SERPINA12: variants seen among roughly 807,000 people sequenced by gnomAD.
SERPINA12 encodes the protein serpin family A member 12.
Under a neutral mutation model 25.9 loss-of-function variants are expected in SERPINA12, and 21 were observed. The observed-to-expected ratio is 0.81, with a 90% CI of 0.58 to 1.17. The LOEUF (loss-of-function observed/expected upper bound fraction) is 1.17, where lower values mean the gene tolerates loss of function less well. Among genes scored for constraint, SERPINA12 ranks in the 50% most tolerant of loss-of-function variants. The pLI, the probability that SERPINA12 is intolerant of heterozygous loss-of-function variation, is 0.00. For synonymous variants in SERPINA12, 220 were observed against 196.0 expected (o/e 1.12, Z -1.02); for missense variants, 562 against 508.3 (o/e 1.11, Z -1.02).
Position 94,499,167 on chromosome 14 carries a change from G to T in SERPINA12, c.-33-737C>A, listed in dbSNP as rs555275526. Among the ~76,000 whole-genome samples the T allele has an allele frequency of 2.6e-5, 4 of 152,296 alleles. No homozygotes were observed. In the South Asian group the frequency reaches 6.2e-4, roughly 24 times the overall value. On this transcript the variant is annotated intron_variant, in intron 1 of 4. Transcript: ENST00000677451. Reference sequence around the variant, plus strand: ...CTAATTTACAGAGATCAAGCTCTTTGTTTAAGCTCATATGTTCTCTAGGTG... The same window carrying T: ...CTAATTTACAGAGATCAAGCTCTTTTTTTAAGCTCATATGTTCTCTAGGTG...
intron 1 of SERPINA12, among the ~76,000 whole-genome samples, chr14:94,502,556 G>A (rs1900776171): frequency 6.6e-6 from 1 of 152,342 alleles, no homozygotes; most frequent in South Asian, 2.1e-4. Context: ...ACAGGCTACA[G>A]AAGGTCTACT....
intron 2 of SERPINA12, among the ~76,000 whole-genome samples, chr14:94,497,226 T>C (rs1223814036): frequency 6.6e-6 from 1 of 152,168 alleles, no homozygotes; most frequent in Non-Finnish European, 1.5e-5. Context: ...CTCCATCAGA[T>C]CTGGGAAATA....
At chr14:94,510,160 T>G (rs999522606), upstream of SERPINA12, 4 of 985,290 alleles carry the variant, frequency 4.1e-6, no homozygotes, top group Admixed American at 6.1e-5. Flanking sequence ...TGTACTCACC[T>G]GTACAATGGG....
At chr14:94,502,496 C>T (rs1234058635) in intron 1 of SERPINA12, among the ~76,000 whole-genome samples, 1 of 152,152 alleles carries the variant, frequency 6.6e-6, no homozygotes, top group Admixed American at 6.5e-5. Context: ...AGCGCTTCCC[C>T]CGTTATCACC....
At chr14:94,492,429 T>G (rs1900215394) in intron 3 of SERPINA12, among the ~76,000 whole-genome samples, 1 of 152,216 alleles carries the variant, frequency 6.6e-6, no homozygotes, top group African/African-American at 2.4e-5. Context: ...CATACAGGCC[T>G]GCCTGCACAG....
chr14:94,507,821 C>T (rs1344208007), intron 1 of SERPINA12, among the ~76,000 whole-genome samples: 1 of 152,194 alleles, frequency 6.6e-6, no homozygotes, highest in Non-Finnish European at 1.5e-5. Flanking sequence ...CCCTTTGACC[C>T]ATTCATTGTA....
chr14:94,489,033 G>A (rs1370310600), intron 4 of SERPINA12, among the ~76,000 whole-genome samples: 1 of 151,992 alleles, frequency 6.6e-6, no homozygotes, highest in Non-Finnish European at 1.5e-5. Flanking sequence ...GGAGGTGGAG[G>A]TTGCAGTGAG....
At chr14:94,508,548 A>G (rs574298022) in intron 1 of SERPINA12, among the ~76,000 whole-genome samples, 3 of 152,378 alleles carry the variant, frequency 2.0e-5, no homozygotes, top group South Asian at 4.1e-4. Context: ...GTGTTGGAAT[A>G]AAACCTTTTC....
chr14:94,489,644 A>C lies in SERPINA12; in HGVS notation c.1029T>G (p.Pro343=), dbSNP rs1340330609. The C allele has an allele frequency of 1.2e-6, 2 of 1,613,928 alleles. No homozygotes were observed. The highest frequency in any genetic ancestry group is 1.7e-6 in the Non-Finnish European group (2 of 1,179,996). Residue 343 remains proline (P), a synonymous_variant, in exon 4 of 5, where the codon CCT becomes CCG. Coordinates refer to ENST00000677451, the MANE Select transcript of SERPINA12 (RefSeq NM_001382267.1). ...CCTCGCCCACTTTCAGGCTGCGATG[A>C]GGGGCGATCTTGGTGAGATCACCAT... ...EEHGDLTKIA[P]HRSLKVGEAV...
chr14:94,507,289 T>C (rs1030652032), intron 1 of SERPINA12, among the ~76,000 whole-genome samples: 1 of 152,176 alleles, frequency 6.6e-6, no homozygotes. Context: ...AGAAAATATA[T>C]TAATAGTAGA....
chr14:94,503,892 A>C (rs950882359), intron 1 of SERPINA12: 6 of 152,204 alleles, frequency 3.9e-5, no homozygotes, highest in African/African-American at 1.4e-4. Context: ...TCCCATCCCC[A>C]CATTCATGAA....
At chr14:94,515,827 C>T (rs1025279976) in exon 2 of SERPINA12, 3 of 152,248 alleles carry the variant, frequency 2.0e-5, no homozygotes, top group Admixed American at 2.0e-4. Context: ...TACCTCATTC[C>T]TAGAAAGCTA....
At chr14:94,515,720 C>CGGGCAAACAGTGCAGATGT (rs1901216579) in intron 2 of SERPINA12, 1 of 141,810 alleles carries the variant, frequency 7.1e-6, no homozygotes, top group Non-Finnish European at 1.6e-5. Flanking sequence ...AGTGCAGATG[C>CGGGCAAACAGTGCAGATGT]GGGCAAGCAG....
upstream of SERPINA12, among the ~76,000 whole-genome samples, chr14:94,512,239 C>T (rs1324095455): frequency 1.3e-5 from 2 of 152,220 alleles, no homozygotes; most frequent in African/African-American, 4.8e-5. Context: ...CACGTGTCCC[C>T]TCTCAGGGGG....
chr14:94,504,662 C>T (rs1157542911), intron 1 of SERPINA12, among the ~76,000 whole-genome samples: 3 of 152,138 alleles, frequency 2.0e-5, no homozygotes, highest in African/African-American at 4.8e-5. Flanking sequence ...GCGTAGATTC[C>T]GTTAGGAAGA....
At chr14:94,507,073 AAAC>A (rs200737035) in intron 1 of SERPINA12, among the ~76,000 whole-genome samples, 9 of 152,310 alleles carry the variant, frequency 5.9e-5, no homozygotes, top group African/African-American at 9.6e-5. Context: ...TGAATGATGA[AAAC>A]AACAACAACA....
chr14:94,505,589 TGGAA>T (rs983052428), intron 1 of SERPINA12, among the ~76,000 whole-genome samples: 5 of 152,002 alleles, frequency 3.3e-5, no homozygotes, highest in African/African-American at 1.2e-4. Context: ...GCTATAGTGG[TGGAA>T]GATCAGAGCC....
At chr14:94,500,729 A>T (rs1284139912) in intron 1 of SERPINA12, among the ~76,000 whole-genome samples, 2 of 152,152 alleles carry the variant, frequency 1.3e-5, no homozygotes, top group East Asian at 3.8e-4. Flanking sequence ...CACAAAGAGG[A>T]TGCATCCAAG....
chr14:94,496,239 C>T, intron 3 of SERPINA12, 134 bp downstream of exon 3: 1 of 851,402 alleles, frequency 1.2e-6, no homozygotes, highest in South Asian at 1.7e-5. Context: ...GTTCCCCAGT[C>T]TAATTCTCAC....
Sources: allele counts gnomAD v4.1 joint callset (sites outside exome capture counted in the v4.1 genomes callset), GRCh38; gene constraint gnomAD v4.1.1; transcripts MANE v1.5; gene names NCBI Gene and HGNC (gene_info 2026-07-23, HGNC 2026-07-21).